RPL3L: variants seen among roughly 807,000 people sequenced by gnomAD.
RPL3L encodes the protein ribosomal protein L3 like, also known as ribosomal protein uL3-like.
A neutral mutation model predicts 44.5 loss-of-function variants in RPL3L; 44 were observed. The ratio of observed to expected loss-of-function variants is 0.99; its 90% CI spans 0.78 to 1.27. RPL3L has a LOEUF of 1.27. RPL3L is among the 50% of genes most tolerant of loss of function. RPL3L has a pLI of 0.00. For missense variants in RPL3L, 631 were observed against 569.1 expected (o/e 1.11, Z -1.11); for synonymous variants, 292 against 230.7 (o/e 1.27, Z -2.41).
chr16:1,952,701 C>T (rs904148562), intron 3 of RPL3L, among the ~76,000 whole-genome samples, 173 bp downstream of exon 3: 1 of 152,084 alleles, frequency 6.6e-6, no homozygotes, highest in Admixed American at 6.5e-5. Flanking sequence ...GAAATGAAGG[C>T]AACCACACAA....
chr16:1,950,383 G>A (rs1303300954), intron 4 of RPL3L, among the ~76,000 whole-genome samples: 2 of 151,972 alleles, frequency 1.3e-5, no homozygotes, highest in Non-Finnish European at 2.9e-5. Context: ...GGAAGCTCAG[G>A]GTCGGGGGCA....
chr16:1,947,478 A>T (rs1723553266), intron 4 of RPL3L, 98 bp from the exon 5 acceptor site: 7 of 1,345,764 alleles, frequency 5.2e-6, no homozygotes, highest in Middle Eastern at 1.9e-4. Context: ...CCTTCCACGC[A>T]TGCATTCATT....
chr16:1,946,759 A>C, intron 6 of RPL3L, 33 bp from the exon 7 acceptor site: 1 of 1,609,348 alleles, frequency 6.2e-7, no homozygotes, highest in Non-Finnish European at 8.5e-7. Context: ...AGGGGCAGGA[A>C]GTGGCCTCTG....
rs141204001 is a variant in RPL3L at position 1,952,978 on chromosome 16, C to T, written c.261G>A (p.Val87=). Residue 87 remains valine (V), a synonymous_variant, in exon 3 of 10, where the codon GTG becomes GTA. Coordinates refer to ENST00000268661, the MANE Select transcript of RPL3L (RefSeq NM_005061.3). The part of the protein sequence containing the change: ...TIVETPPLVV[V]GVVGYVATPR... ...GGGTGGCCACGTAGCCCACCACGCC[C>T]ACCACCACTAGGGGCGGCGTTTCTA... 3.4e-5 allele frequency: 55 copies of T among 1,612,844 alleles called. No homozygotes were observed. Among genetic ancestry groups the T allele is most frequent in the South Asian group, 4.4e-5 (4 of 90,978 alleles).
In RPL3L at chr16:1,952,897, G is replaced by A; in HGVS notation, c.342C>T (p.Cys114=). 6.2e-7 allele frequency: 1 copy of A among 1,613,894 alleles called. No homozygotes were observed. The highest frequency in any genetic ancestry group is 8.5e-7 in the Non-Finnish European group (1 of 1,179,980). Reference sequence around the variant, plus strand: ...ACCAGTCCTTGTAGAATCGGCGCCGGCACTCATCACTGAGGTGTTCTGCAA... The same window carrying A: ...ACCAGTCCTTGTAGAATCGGCGCCGACACTCATCACTGAGGTGTTCTGCAA... ...TIFAEHLSDE[C]RRRFYKDWHK... The change falls in exon 3 of 10, where the codon TGC becomes TGT. Residue 114 remains cysteine (C), a synonymous_variant. Transcript: ENST00000268661.
At position 1,952,966 on chromosome 16, in the gene RPL3L, G is replaced by A. The variant is rs558681075; in HGVS notation, c.273C>T (p.Gly91=). 3.8e-5 allele frequency: 61 copies of A among 1,613,088 alleles called. No individual in the cohort carries two copies. The South Asian group carries it at 4.4e-4, about 12-fold the overall frequency. ...GGAGACCTCGAGGGGTGGCCACGTA[G>A]CCCACCACGCCCACCACCACTAGGG... ...TPPLVVVGVV[G]YVATPRGLRS... The change falls in exon 3 of 10, where the codon GGC becomes GGT. Residue 91 remains glycine, a synonymous_variant. Coordinates refer to ENST00000268661, the MANE Select transcript of RPL3L (RefSeq NM_005061.3).
chr16:1,945,039 T>C (rs1470957608), intron 9 of RPL3L, 146 bp from the exon 10 acceptor site: 6 of 1,028,862 alleles, frequency 5.8e-6, no homozygotes, highest in Middle Eastern at 2.8e-4. Flanking sequence ...AAAGAATCAG[T>C]GCCCAGGGAT....
chr16:1,953,443 C>T (rs1000694775), intron 2 of RPL3L, among the ~76,000 whole-genome samples: 13 of 152,228 alleles, frequency 8.5e-5, no homozygotes, highest in Admixed American at 3.3e-4. Context: ...TGGTCTGCAA[C>T]TCCTGGCCTC....
intron 6 of RPL3L, 78 bp downstream of exon 6, chr16:1,946,860 G>A: frequency 6.4e-7 from 1 of 1,558,658 alleles, no homozygotes; most frequent in Admixed American, 1.7e-5. Flanking sequence ...TCTGGGTCAT[G>A]CACCCCACCC....
Position 1,944,836 on chromosome 16 carries a change from C to A in RPL3L, c.*1G>T, listed in dbSNP as rs771959136. ...TTCAGGGTTCATCCACCCCACACAG[C>A]CTACAAGTCTCCCGAGGTCTCCGGC... is the stretch of plus-strand genomic sequence containing the variant. On this transcript the variant is annotated 3_prime_UTR_variant, in exon 10 of 10. Coordinates refer to ENST00000268661, the MANE Select transcript of RPL3L (RefSeq NM_005061.3). 5 of 1,613,966 alleles carry A rather than the reference C, an allele frequency of 3.1e-6. No homozygotes were observed. The highest frequency in any genetic ancestry group is 4.2e-6 in the Non-Finnish European group (5 of 1,180,012).
At chr16:1,947,539 G>C (rs1266334631) in intron 4 of RPL3L, among the ~76,000 whole-genome samples, 159 bp from the exon 5 acceptor site, 1 of 152,246 alleles carries the variant, frequency 6.6e-6, no homozygotes, top group African/African-American at 2.4e-5. Flanking sequence ...GCTAGGCACT[G>C]CGGATCCGGT....
chr16:1,952,710 A>AACACAC (rs142507470), intron 3 of RPL3L, among the ~76,000 whole-genome samples, 164 bp downstream of exon 3: 1 of 150,594 alleles, frequency 6.6e-6, no homozygotes, highest in Non-Finnish European at 1.5e-5. Flanking sequence ...GCAACCACAC[A>AACACAC]ACACACACAC....
intron 4 of RPL3L, among the ~76,000 whole-genome samples, chr16:1,949,259 CTTTTTTTTTTTT>C (rs58248501): frequency 8.0e-5 from 6 of 75,236 alleles, no homozygotes; most frequent in Non-Finnish European, 1.0e-4. Context: ...TTTTTTTTTT[CTTTTTTTTTTTT>C]TTTTTTTTTT....
At chr16:1,948,537 T>C (rs977015502) in intron 4 of RPL3L, among the ~76,000 whole-genome samples, 2 of 151,828 alleles carry the variant, frequency 1.3e-5, no homozygotes, top group Admixed American at 6.6e-5. Flanking sequence ...TTTTTATTTT[T>C]TTATATTTTT....
chr16:1,945,376 A>AC, intron 9 of RPL3L, 123 bp downstream of exon 9: 1 of 1,006,058 alleles, frequency 9.9e-7, no homozygotes, highest in South Asian at 2.0e-5. Flanking sequence ...TAAATAAAAA[A>AC]AAAAGAGTCT....
In RPL3L at chr16:1,954,676, G is replaced by A. The variant is rs758833679; in HGVS notation, c.-45C>T. 2.6e-5 allele frequency: 39 copies of A among 1,496,310 alleles called. No homozygotes were observed. In the African/African-American group the frequency reaches 3.6e-4, roughly 14 times the overall value. The allele number at this position is 1,496,310 out of a possible 1,614,324, so 92.7% of individuals were successfully genotyped here. On this transcript the variant is annotated 5_prime_UTR_variant, in exon 1 of 10. Transcript: ENST00000268661. ...TCAGGAAGGGGCCTCGCCGCTAGCC[G>A]CCAGAGGTCGAGTGGCAGGGCCAGG...
intron 3 of RPL3L, among the ~76,000 whole-genome samples, chr16:1,951,602 G>A (rs1476012895): frequency 2.0e-5 from 3 of 151,844 alleles, no homozygotes; most frequent in Admixed American, 6.6e-5. Flanking sequence ...GGCTGGTCTC[G>A]AAGCCCTGAG....
At chr16:1,952,179 G>C (rs889463214) in intron 3 of RPL3L, among the ~76,000 whole-genome samples, 12 of 150,622 alleles carry the variant, frequency 8.0e-5, no homozygotes, top group African/African-American at 2.9e-4. Flanking sequence ...ATGTTGGCCA[G>C]GCTGGTCTCG....
At chr16:1,945,784 AG>A in intron 8 of RPL3L, 50 bp downstream of exon 8, 1 of 1,608,678 alleles carries the variant, frequency 6.2e-7, no homozygotes, top group South Asian at 1.1e-5. Context: ...AGGGCAGGAC[AG>A]GCTGGCAGCC....
Sources: gnomAD v4.1 joint callset for allele counts (sites outside exome capture counted in the v4.1 genomes callset) on GRCh38, gnomAD v4.1.1 for gene constraint, MANE v1.5 for transcripts, NCBI Gene and HGNC (gene_info 2026-07-23, HGNC 2026-07-21) for gene names.